TGFA: variants seen among roughly 807,000 people sequenced by gnomAD.
TGFA encodes protransforming growth factor alpha.
A neutral mutation model predicts 21.7 loss-of-function variants in TGFA; 12 were observed. That is an observed-to-expected ratio of 0.55 (90% CI 0.35 to 0.90). The LOEUF is 0.90. Among genes scored for constraint, TGFA ranks in the 40% least tolerant of loss-of-function variants. TGFA has a pLI of 0.01. For missense variants in TGFA, 178 were observed against 210.8 expected, an observed-to-expected ratio of 0.84 and a Z score of 0.96; for synonymous variants, 79 against 88.1, an observed-to-expected ratio of 0.90 and a Z score of 0.58.
intron 2 of TGFA, among the ~76,000 whole-genome samples, chr2:70,501,524 A>G (rs1174451594): frequency 5.3e-5 from 8 of 152,132 alleles, no homozygotes; most frequent in Non-Finnish European, 1.2e-4. Flanking sequence ...AAAGAGAGAA[A>G]GTCAACTTAA....
intron 1 of TGFA, among the ~76,000 whole-genome samples, chr2:70,517,540 A>G (rs1672323208): frequency 6.6e-6 from 1 of 152,182 alleles, no homozygotes; most frequent in South Asian, 2.1e-4. Context: ...AACTCATGAC[A>G]TAGGTGCCTC....
chr2:70,501,740 A>G (rs1671745148), intron 2 of TGFA, among the ~76,000 whole-genome samples: 1 of 152,184 alleles, frequency 6.6e-6, no homozygotes, highest in African/African-American at 2.4e-5. Flanking sequence ...ATACATTTCT[A>G]ACCTGTACTC....
At chr2:70,521,657 T>C (rs1166176079) in intron 1 of TGFA, among the ~76,000 whole-genome samples, 1 of 126,034 alleles carries the variant, frequency 7.9e-6, no homozygotes, top group Non-Finnish European at 1.6e-5. Context: ...CTCTGTCTCC[T>C]AGGCTGGAGT....
intron 2 of TGFA, among the ~76,000 whole-genome samples, chr2:70,478,503 A>T (rs963206489): frequency 6.6e-6 from 1 of 151,742 alleles, no homozygotes; most frequent in Admixed American, 6.6e-5. Flanking sequence ...ACCACTGGAA[A>T]AAAAAAAAGC....
intron 1 of TGFA, among the ~76,000 whole-genome samples, chr2:70,530,885 T>C (rs1307590173): frequency 2.0e-5 from 3 of 152,200 alleles, no homozygotes; most frequent in Admixed American, 2.0e-4. Context: ...CCCAAGACTG[T>C]GCTCTCCTCT....
At position 70,549,113 on chromosome 2, in the gene TGFA, C is replaced by T. The variant is rs542652482; in HGVS notation, c.40+4615G>A. Among the ~76,000 whole-genome samples the T allele has an allele frequency of 3.3e-5, 5 of 152,120 alleles. No homozygotes were observed. The East Asian group carries it at 5.8e-4, about 18-fold the overall frequency. On this transcript the variant is annotated intron_variant, in intron 1 of 5. Transcript: ENST00000295400. ...AGACAACGGTCAGCTTTTGGTAATC[C>T]AAAGGAAAAGGTGACATGATTAGCA...
intron 2 of TGFA, among the ~76,000 whole-genome samples, chr2:70,502,380 C>T (rs908048446): frequency 6.6e-6 from 1 of 152,164 alleles, no homozygotes; most frequent in Non-Finnish European, 1.5e-5. Flanking sequence ...CACTCTATTG[C>T]CCAGGCTGGA....
chr2:70,538,667 T>G (rs1457375836), intron 1 of TGFA, among the ~76,000 whole-genome samples: 2 of 152,218 alleles, frequency 1.3e-5, no homozygotes, highest in Non-Finnish European at 2.9e-5. Flanking sequence ...CAATAAAATT[T>G]GAACAGATGT....
chr2:70,546,682 A>G (rs1266190091), intron 1 of TGFA, among the ~76,000 whole-genome samples: 4 of 151,494 alleles, frequency 2.6e-5, no homozygotes, highest in Non-Finnish European at 5.9e-5. Context: ...TGTGGGGAGT[A>G]TCTCACTGGG....
chr2:70,547,817 T>C (rs933045581), intron 1 of TGFA, among the ~76,000 whole-genome samples: 1 of 147,816 alleles, frequency 6.8e-6, no homozygotes, highest in Non-Finnish European at 1.5e-5. Flanking sequence ...ACTATCTATA[T>C]ATATACTATC....
At chr2:70,481,910 A>G (rs1265230555) in intron 2 of TGFA, among the ~76,000 whole-genome samples, 3 of 152,140 alleles carry the variant, frequency 2.0e-5, no homozygotes, top group Non-Finnish European at 4.4e-5. Flanking sequence ...AGCAACCTCA[A>G]TGAGAGACCC....
At position 70,450,792 on chromosome 2, in the gene TGFA, G is replaced by A; in HGVS notation, c.*67C>T. On this transcript the variant is annotated 3_prime_UTR_variant, in exon 6 of 6. Transcript: ENST00000295400. Reference sequence around the variant, plus strand: ...ACACCCAGGCATCTCTGGCAGTGCTGTCCTGAAGAAGCCTTTCTTTATTGA... The same window carrying A: ...ACACCCAGGCATCTCTGGCAGTGCTATCCTGAAGAAGCCTTTCTTTATTGA... 6.4e-7 allele frequency: 1 copy of A among 1,574,416 alleles called. No individual in the cohort carries two copies. Among genetic ancestry groups the A allele is most frequent in the Non-Finnish European group, 8.7e-7 (1 of 1,152,756 alleles).
rs781911960 is a variant in TGFA, at chr2:70,453,282, G to C, written c.411C>G (p.Ile137Met). 13 of 1,613,990 alleles carry C rather than the reference G, an allele frequency of 8.1e-6. No homozygotes were observed. The South Asian group carries it at 9.9e-5, about 12-fold the overall frequency. Reference sequence around the variant, plus strand: ...GGGCGCTGGGCTTCTCGTGCCGGCAGATGAGGGCCCGGCACCACTCACAGT... The same window carrying C: ...GGGCGCTGGGCTTCTCGTGCCGGCACATGAGGGCCCGGCACCACTCACAGT... The part of the protein sequence containing the change: ...RKHCEWCRAL[I>M]CRHEKPSALL... Residue 137 changes from isoleucine to methionine, a missense_variant, in exon 5 of 6, where the codon ATC becomes ATG. By Grantham distance (10) the Ile-to-Met change is conservative (BLOSUM62 1). Transcript: ENST00000295400.
At chr2:70,522,071 A>G (rs1388248820) in intron 1 of TGFA, among the ~76,000 whole-genome samples, 1 of 152,224 alleles carries the variant, frequency 6.6e-6, no homozygotes, top group East Asian at 1.9e-4. Context: ...CTTGCAGTTC[A>G]GAAGTTTTTA....
chr2:70,511,256 CTTATA>C (rs1162879211), intron 2 of TGFA, among the ~76,000 whole-genome samples: 1 of 152,130 alleles, frequency 6.6e-6, no homozygotes, highest in African/African-American at 2.4e-5. Context: ...GGGTAAAGTC[CTTATA>C]GCTTTTGTTC....
chr2:70,475,391 AG>A (rs1670891519), intron 2 of TGFA, among the ~76,000 whole-genome samples: 1 of 152,128 alleles, frequency 6.6e-6, no homozygotes, highest in Non-Finnish European at 1.5e-5. Flanking sequence ...AGTGGAGCTG[AG>A]GGGGGTTAAA....
intron 1 of TGFA, among the ~76,000 whole-genome samples, chr2:70,545,112 A>G (rs1673253119): frequency 6.6e-6 from 1 of 152,162 alleles, no homozygotes; most frequent in African/African-American, 2.4e-5. Flanking sequence ...CCTATATATA[A>G]AAATATCTCA....
intron 1 of TGFA, among the ~76,000 whole-genome samples, chr2:70,525,019 C>A (rs1672591346): frequency 6.6e-6 from 1 of 152,220 alleles, no homozygotes; most frequent in Non-Finnish European, 1.5e-5. Context: ...AAGTTAGACT[C>A]TTGGTGGCTG....
chr2:70,477,773 T>A (rs956454111), intron 2 of TGFA, among the ~76,000 whole-genome samples: 5 of 152,122 alleles, frequency 3.3e-5, no homozygotes, highest in Non-Finnish European at 7.3e-5. Context: ...GCCTGGGTCC[T>A]TGAATAAGCA....
Sources: gnomAD v4.1 joint callset for allele counts (sites outside exome capture counted in the v4.1 genomes callset) on GRCh38, gnomAD v4.1.1 for gene constraint, MANE v1.5 for transcripts, NCBI Gene and HGNC (gene_info 2026-07-23, HGNC 2026-07-21) for gene names.